CENPP: variants seen among roughly 807,000 people sequenced by gnomAD.
CENPP encodes centromere protein P.
Under a neutral mutation model 35.6 loss-of-function variants are expected in CENPP, and 24 were observed. The ratio of observed to expected loss-of-function variants is 0.67; its 90% CI spans 0.49 to 0.95. The LOEUF (loss-of-function observed/expected upper bound fraction) is 0.95. Ranked by LOEUF, CENPP falls within the 40% of genes least tolerant of loss-of-function variation. The pLI, the probability that CENPP is intolerant of heterozygous loss-of-function variation, is 0.00. For synonymous variants in CENPP, 120 were observed against 125.5 expected, an observed-to-expected ratio of 0.96 and a Z score of 0.29; for missense variants, 332 against 345.3, an observed-to-expected ratio of 0.96 and a Z score of 0.31.
chr9:92,340,624 T>C (rs1211911085), intron 3 of CENPP: 1 of 152,632 alleles, frequency 6.6e-6, no homozygotes, highest in East Asian at 1.9e-4. Flanking sequence ...TTAATACTTT[T>C]ATAATTTCTT....
At position 92,434,814 on chromosome 9, in the gene CENPP, G is replaced by T. The variant is rs543386967; in HGVS notation, c.564+54955G>T. On this transcript the variant is annotated intron_variant, in intron 5 of 7. Transcript: ENST00000375587. ...TCCCAGCACTTTGGGAGCCTGAAGC[G>T]GACGGATCACCTGAGGTCAGGAGTT... Among the ~76,000 whole-genome samples the T allele has an allele frequency of 2.0e-5, 3 of 152,266 alleles. No homozygotes were observed. In the South Asian group the frequency reaches 6.2e-4, roughly 32 times the overall value.
chr9:92,464,297 C>G (rs1845223580), intron 5 of CENPP, among the ~76,000 whole-genome samples: 1 of 152,160 alleles, frequency 6.6e-6, no homozygotes, highest in African/African-American at 2.4e-5. Context: ...GAGGTGCTAG[C>G]CTTGGGTCAC....
intron 5 of CENPP, among the ~76,000 whole-genome samples, chr9:92,566,028 C>T (rs2131346963): frequency 6.6e-6 from 1 of 152,262 alleles, no homozygotes; most frequent in Non-Finnish European, 1.5e-5. Flanking sequence ...AGCGGCCAAG[C>T]GTGGTGGCTC....
chr9:92,476,292 C>T lies in CENPP; in HGVS notation c.564+96433C>T, dbSNP rs1845712847. Among the ~76,000 whole-genome samples the T allele has an allele frequency of 6.6e-6, 1 of 152,128 alleles. No homozygotes were observed. Among genetic ancestry groups the T allele is most frequent in the Non-Finnish European group, 1.5e-5 (1 of 68,014 alleles). On this transcript the variant is annotated intron_variant, in intron 5 of 7. Coordinates refer to ENST00000375587, the MANE Select transcript of CENPP (RefSeq NM_001012267.3). This position sits in a 1 kb window ranked among gnomAD's most constrained non-coding sequence, Gnocchi z 4.1. ...CCCAACTGGTTGCAATTTCCCAGAA[C>T]CAAAAAATCAGCTTTAACATCTCTC...
At chr9:92,601,178 C>T (rs968197592) in intron 5 of CENPP, among the ~76,000 whole-genome samples, 14 of 152,148 alleles carry the variant, frequency 9.2e-5, no homozygotes, top group African/African-American at 3.4e-4. Flanking sequence ...ACTACATGGA[C>T]GTATTTACTT....
intron 5 of CENPP, among the ~76,000 whole-genome samples, chr9:92,527,420 T>C (rs1401449295): frequency 6.6e-6 from 1 of 152,216 alleles, no homozygotes. Flanking sequence ...CTCTACCATA[T>C]AGCCTAGGTG....
intron 5 of CENPP, chr9:92,460,667 T>G: frequency 1.4e-6 from 1 of 694,184 alleles, no homozygotes; most frequent in East Asian, 2.8e-5. Flanking sequence ...TAGGCAACTT[T>G]TTAGGCACTA....
intron 5 of CENPP, among the ~76,000 whole-genome samples, chr9:92,599,790 T>C (rs984888775): frequency 7.2e-5 from 11 of 152,180 alleles, no homozygotes; most frequent in Non-Finnish European, 1.3e-4. Context: ...CTATTAAAAG[T>C]ATGGTGTAGC....
intron 5 of CENPP, among the ~76,000 whole-genome samples, chr9:92,445,137 AG>A (rs1184815970): frequency 6.6e-6 from 1 of 152,078 alleles, no homozygotes; most frequent in Non-Finnish European, 1.5e-5. Context: ...CACTTCTCTA[AG>A]CAGCTTTCTC....
intron 5 of CENPP, chr9:92,496,506 G>A (rs375081129): frequency 1.1e-5 from 18 of 1,596,248 alleles, no homozygotes; most frequent in African/African-American, 6.8e-5. Context: ...AGACATGCAA[G>A]TCACACATGG....
chr9:92,325,653 C>G (rs1840422280), upstream of CENPP: 1 of 284,618 alleles, frequency 3.5e-6, no homozygotes, highest in Non-Finnish European at 6.7e-6. Context: ...CCAGCCCTGC[C>G]TCTTTAGTGA....
chr9:92,589,218 A>G (rs1850612782), intron 5 of CENPP, among the ~76,000 whole-genome samples: 2 of 151,910 alleles, frequency 1.3e-5, no homozygotes, highest in African/African-American at 4.8e-5. Context: ...GCACACCTGT[A>G]GTCCCAGTGC....
intron 5 of CENPP, among the ~76,000 whole-genome samples, chr9:92,569,743 C>T (rs928682225): frequency 1.3e-5 from 2 of 151,992 alleles, no homozygotes; most frequent in Non-Finnish European, 2.9e-5. Context: ...GTTTGTGTCC[C>T]TTTTTATTTC....
intron 5 of CENPP, among the ~76,000 whole-genome samples, chr9:92,497,560 G>T (rs1846419063): frequency 6.6e-6 from 1 of 151,448 alleles, no homozygotes; most frequent in Non-Finnish European, 1.5e-5. Flanking sequence ...GGAGGTCGAG[G>T]TTGCAGTGAG....
chr9:92,374,356 C>A (rs1050675616), intron 4 of CENPP, among the ~76,000 whole-genome samples: 1 of 151,744 alleles, frequency 6.6e-6, no homozygotes, highest in African/African-American at 2.4e-5. Flanking sequence ...AGGCATGTGC[C>A]ACCACACCCA....
chr9:92,401,476 C>A (rs1843109317), intron 5 of CENPP, among the ~76,000 whole-genome samples: 1 of 152,116 alleles, frequency 6.6e-6, no homozygotes, highest in Admixed American at 6.5e-5. Context: ...TCCTGAAATT[C>A]CAAATGAAAG....
rs1851439920 is a variant in CENPP, at chr9:92,616,469, T to C, written c.*3320T>C. ...AAATCACTTTATCATGAGCCAAGTA[T>C]TACAAAACCCAACAAAAAGTAAAAA... On this transcript the variant is annotated 3_prime_UTR_variant, in exon 8 of 8. Transcript: ENST00000375587. The C allele has an allele frequency of 6.2e-6, 1 of 161,642 alleles. No individual in the cohort carries two copies. Among genetic ancestry groups the C allele is most frequent in the Non-Finnish European group, 1.4e-5 (1 of 73,728 alleles). 10.0% of individuals were successfully genotyped at this position (161,642 alleles called of 1,614,324 possible).
intron 5 of CENPP, among the ~76,000 whole-genome samples, chr9:92,460,863 G>A (rs1845082382): frequency 6.6e-6 from 1 of 152,100 alleles, no homozygotes; most frequent in Non-Finnish European, 1.5e-5. Flanking sequence ...CTTTTTAGTA[G>A]AGATGGGGTT....
chr9:92,433,556 T>C (rs1050417506), intron 5 of CENPP, among the ~76,000 whole-genome samples: 1 of 152,228 alleles, frequency 6.6e-6, no homozygotes, highest in Non-Finnish European at 1.5e-5. Flanking sequence ...TTGAGATACA[T>C]TTATAAAACA....
Sources: gnomAD v4.1 joint callset for allele counts (sites outside exome capture counted in the v4.1 genomes callset) on GRCh38, gnomAD v4.1.1 for gene constraint, Gnocchi (gnomAD v3.1) non-coding constraint, MANE v1.5 for transcripts, NCBI Gene and HGNC (gene_info 2026-07-23, HGNC 2026-07-21) for gene names.